The following CORIN variants were observed in gnomAD, a reference collection of about 807,000 sequenced individuals.
CORIN encodes atrial natriuretic peptide-converting enzyme.
CORIN carries 117 observed loss-of-function variants against 125.3 expected under a neutral mutation model. The observed-to-expected ratio is 0.93, with a 90% confidence interval of 0.80 to 1.09. The LOEUF is 1.09. Among genes scored for constraint, CORIN ranks in the 50% least tolerant of loss-of-function variants. The pLI, the probability that CORIN is intolerant of heterozygous loss-of-function variation, is 0.00. For synonymous variants in CORIN, 450 were observed against 466.4 expected, an observed-to-expected ratio of 0.96 and a Z score of 0.45; for missense variants, 1,253 against 1,306.7, an observed-to-expected ratio of 0.96 and a Z score of 0.63.
chr4:47,714,589 G>C (rs1388051445), intron 5 of CORIN, among the ~76,000 whole-genome samples: 1 of 152,090 alleles, frequency 6.6e-6, no homozygotes, highest in Non-Finnish European at 1.5e-5. Context: ...TTCTGTAAAG[G>C]GCCAGATAGT....
chr4:47,833,179 A>G (rs923258880), intron 1 of CORIN, among the ~76,000 whole-genome samples: 4 of 152,130 alleles, frequency 2.6e-5, no homozygotes, highest in African/African-American at 9.7e-5. Context: ...ACAAAGCTAC[A>G]CTAATCAAAA....
intron 2 of CORIN, among the ~76,000 whole-genome samples, chr4:47,799,443 G>A (rs567185183): frequency 1.3e-5 from 2 of 151,896 alleles, no homozygotes; most frequent in East Asian, 1.9e-4. Context: ...TGACTTTTTC[G>A]TAATAGCCAT....
At chr4:47,808,393 T>G (rs1224920412) in intron 1 of CORIN, among the ~76,000 whole-genome samples, 1 of 152,256 alleles carries the variant, frequency 6.6e-6, no homozygotes, top group Non-Finnish European at 1.5e-5. Context: ...TTCCCGTGGA[T>G]GCAAAGGCAA....
chr4:47,743,758 A>C (rs537378966), intron 5 of CORIN, among the ~76,000 whole-genome samples: 10 of 152,142 alleles, frequency 6.6e-5, no homozygotes, highest in African/African-American at 2.4e-4. Context: ...GATGGCGTGC[A>C]CCTATAATCC....
intron 5 of CORIN, among the ~76,000 whole-genome samples, chr4:47,724,972 A>T (rs1727521476): frequency 6.6e-6 from 1 of 152,176 alleles, no homozygotes; most frequent in Non-Finnish European, 1.5e-5. Context: ...AACCCTAGGA[A>T]CCATCTTAGA....
chr4:47,647,621 A>T (rs1226391871), intron 13 of CORIN, among the ~76,000 whole-genome samples: 4 of 152,258 alleles, frequency 2.6e-5, no homozygotes, highest in Non-Finnish European at 5.9e-5. Context: ...TGTCAGTATT[A>T]TGCTCACCAT....
chr4:47,760,707 A>C (rs1729407853), intron 4 of CORIN, among the ~76,000 whole-genome samples: 1 of 152,248 alleles, frequency 6.6e-6, no homozygotes, highest in African/African-American at 2.4e-5. Flanking sequence ...AAAGCCAGGC[A>C]CTGACTTCTC....
intron 1 of CORIN, among the ~76,000 whole-genome samples, chr4:47,814,519 G>T (rs1372349265): frequency 6.6e-6 from 1 of 152,122 alleles, no homozygotes; most frequent in African/African-American, 2.4e-5. Flanking sequence ...AATTATGAAA[G>T]TGACCTTCAC....
At chr4:47,778,005 GT>G (rs1730376459) in intron 3 of CORIN, among the ~76,000 whole-genome samples, 1 of 152,106 alleles carries the variant, frequency 6.6e-6, no homozygotes, top group East Asian at 1.9e-4. Context: ...GGTTTTTTTG[GT>G]TTTTTGATTT....
At chr4:47,660,441 A>G (rs1236714010) in intron 12 of CORIN, among the ~76,000 whole-genome samples, 1 of 152,246 alleles carries the variant, frequency 6.6e-6, no homozygotes, top group Non-Finnish European at 1.5e-5. Flanking sequence ...TAAGGGATTA[A>G]TAACCAGAAT....
intron 5 of CORIN, among the ~76,000 whole-genome samples, chr4:47,701,284 C>T (rs764506517): frequency 1.3e-5 from 2 of 152,176 alleles, no homozygotes; most frequent in Non-Finnish European, 2.9e-5. Context: ...GAAACTGTCT[C>T]TGTCAAACAA....
chr4:47,749,856 A>ACT (rs1355605987), intron 4 of CORIN, among the ~76,000 whole-genome samples: 4 of 152,228 alleles, frequency 2.6e-5, no homozygotes, highest in Non-Finnish European at 4.4e-5. Flanking sequence ...GGCACCTCCC[A>ACT]GAGCTGCAGA....
Position 47,665,013 on chromosome 4 carries a change from G to T in CORIN, c.1589+19C>A. 1 of 1,539,240 alleles carries T rather than the reference G, an allele frequency of 6.5e-7. No homozygotes were observed. Among genetic ancestry groups the T allele is most frequent in the Non-Finnish European group, 9.0e-7 (1 of 1,112,602 alleles). ...CTCTGAGGCAAAATAAGGGACTGGG[G>T]TAGATCCCATCATATTACCTGCAAG... On this transcript the variant is annotated intron_variant, in intron 11 of 21. Coordinates refer to ENST00000273857, the MANE Select transcript of CORIN (RefSeq NM_006587.4).
intron 5 of CORIN, among the ~76,000 whole-genome samples, chr4:47,738,267 G>T (rs968890248): frequency 6.6e-6 from 1 of 152,088 alleles, no homozygotes; most frequent in African/African-American, 2.4e-5. Flanking sequence ...TAAGGATAAG[G>T]CAGAGCTGTA....
intron 5 of CORIN, among the ~76,000 whole-genome samples, chr4:47,728,362 G>T (rs1727696568): frequency 6.6e-6 from 1 of 152,010 alleles, no homozygotes; most frequent in Non-Finnish European, 1.5e-5. Flanking sequence ...CAGGAATTTT[G>T]GGAAACAAAT....
At chr4:47,760,871 T>TA in intron 4 of CORIN, among the ~76,000 whole-genome samples, 1 of 152,362 alleles carries the variant, frequency 6.6e-6, no homozygotes, top group African/African-American at 2.4e-5. Context: ...GAGCACTTGT[T>TA]ACGTCATCTT....
At chr4:47,789,876 G>C (rs1014477925) in intron 2 of CORIN, among the ~76,000 whole-genome samples, 2 of 152,100 alleles carry the variant, frequency 1.3e-5, no homozygotes, top group African/African-American at 2.4e-5. Context: ...AAAAAAATTA[G>C]CCGGGTGTGG....
chr4:47,816,589 TACA>T (rs776792157), intron 1 of CORIN, among the ~76,000 whole-genome samples: 2 of 152,210 alleles, frequency 1.3e-5, no homozygotes, highest in South Asian at 4.1e-4. Flanking sequence ...ATGTAAAAAG[TACA>T]ACAACAAATC....
chr4:47,609,389 G>A (rs1039629795), intron 19 of CORIN, among the ~76,000 whole-genome samples: 5 of 152,090 alleles, frequency 3.3e-5, no homozygotes, highest in African/African-American at 4.8e-5. Flanking sequence ...ACAGGCACCC[G>A]CCACCATGCC....
Sources: gnomAD v4.1 joint callset for allele counts (sites outside exome capture counted in the v4.1 genomes callset) on GRCh38, gnomAD v4.1.1 for gene constraint, MANE v1.5 for transcripts, NCBI Gene and HGNC (gene_info 2026-07-23, HGNC 2026-07-21) for gene names.